Variants in XYLT1 observed in about 807,000 individuals in gnomAD.
XYLT1 encodes the protein xylosyltransferase 1.
XYLT1 carries 36 observed loss-of-function variants against 91.3 expected under a neutral mutation model. That is an observed-to-expected ratio of 0.39 (90% CI 0.30 to 0.52). The LOEUF (loss-of-function observed/expected upper bound fraction) is 0.52, where lower values mean the gene tolerates loss of function less well. XYLT1 is among the 20% of genes least tolerant of loss of function. The pLI, the probability that XYLT1 is intolerant of heterozygous loss-of-function variation, is 0.68. For synonymous variants in XYLT1, 588 were observed against 532.0 expected, an observed-to-expected ratio of 1.11 and a Z score of -1.45; for missense variants, 1,242 against 1,284.5, an observed-to-expected ratio of 0.97 and a Z score of 0.51.
chr16:17,395,335 C>A (rs139452641), intron 1 of XYLT1, among the ~76,000 whole-genome samples: 1 of 152,024 alleles, frequency 6.6e-6, no homozygotes, highest in South Asian at 2.1e-4. Flanking sequence ...ATATCAACCC[C>A]CACCCACACC....
At chr16:17,368,905 TAAGTA>T (rs2035489935) in intron 1 of XYLT1, among the ~76,000 whole-genome samples, 1 of 149,044 alleles carries the variant, frequency 6.7e-6, no homozygotes, top group African/African-American at 2.6e-5. Context: ...TTGATGACAT[TAAGTA>T]TTTCCTTGTT....
intron 3 of XYLT1, among the ~76,000 whole-genome samples, chr16:17,207,971 AT>A (rs2032686516): frequency 6.6e-6 from 1 of 152,010 alleles, no homozygotes; most frequent in Admixed American, 6.6e-5. Flanking sequence ...TTTAAAAAAT[AT>A]TTTTAATGAC....
chr16:17,319,510 G>A (rs976333512), intron 2 of XYLT1, among the ~76,000 whole-genome samples: 1 of 151,090 alleles, frequency 6.6e-6, no homozygotes, highest in Non-Finnish European at 1.5e-5. Context: ...TGGCGCAATC[G>A]TGGCTCACTG....
chr16:17,214,491 T>C (rs565826146), intron 3 of XYLT1, among the ~76,000 whole-genome samples: 1 of 152,286 alleles, frequency 6.6e-6, no homozygotes, highest in Admixed American at 6.5e-5. Flanking sequence ...GTCTCCTATG[T>C]GCTCTTTCCA....
intron 2 of XYLT1, among the ~76,000 whole-genome samples, chr16:17,313,128 T>A (rs1257989563): frequency 2.0e-5 from 3 of 152,218 alleles, no homozygotes; most frequent in Admixed American, 2.0e-4. Flanking sequence ...GTTTCTGGTC[T>A]GGTGATGTTC....
intron 2 of XYLT1, among the ~76,000 whole-genome samples, chr16:17,326,647 C>T (rs1282461621): frequency 3.3e-5 from 5 of 152,024 alleles, no homozygotes; most frequent in South Asian, 2.1e-4. Context: ...AACGGTGAAA[C>T]CCCTTATCTA....
At chr16:17,289,041 A>T (rs1477545207) in intron 2 of XYLT1, among the ~76,000 whole-genome samples, 2 of 152,152 alleles carry the variant, frequency 1.3e-5, no homozygotes, top group African/African-American at 4.8e-5. Context: ...ATTCTACACC[A>T]TTGTAAGTTT....
chr16:17,329,319 G>A (rs763367285), intron 2 of XYLT1, among the ~76,000 whole-genome samples: 2 of 152,194 alleles, frequency 1.3e-5, no homozygotes, highest in Non-Finnish European at 1.5e-5. Flanking sequence ...CTCTGTAACC[G>A]TGAGACTCAG....
intron 3 of XYLT1, among the ~76,000 whole-genome samples, chr16:17,225,721 C>T (rs572174433): frequency 2.0e-5 from 3 of 152,064 alleles, no homozygotes; most frequent in African/African-American, 7.2e-5. Flanking sequence ...CAATTAACAC[C>T]GGTTCTTTTG....
chr16:17,338,469 G>T (rs1375586767), intron 2 of XYLT1: 5 of 456,406 alleles, frequency 1.1e-5, no homozygotes, highest in African/African-American at 6.0e-5. Context: ...TGCCGGGCTG[G>T]CTGGAAAGAC....
chr16:17,117,763 A>G lies in XYLT1; in HGVS notation c.2440T>C (p.Leu814=). Residue 814 remains leucine (L), a synonymous_variant, in exon 11 of 12, where the codon TTG becomes CTG. Transcript: ENST00000261381. ...EFTHYKPPLN[L]PLRPGVWTVK... is the part of the protein sequence containing the mutation. ...GTCCAGACCCCAGGCCTCAGGGGCA[A>G]GTTCAAAGGGGGCTTGTAGTGTGTG... 6.2e-7 allele frequency: 1 copy of G among 1,614,218 alleles called. No individual in the cohort carries two copies. Among genetic ancestry groups the G allele is most frequent in the South Asian group, 1.1e-5 (1 of 91,086 alleles).
intron 1 of XYLT1, among the ~76,000 whole-genome samples, chr16:17,378,707 G>C (rs930368204): frequency 6.6e-6 from 1 of 152,122 alleles, no homozygotes; most frequent in East Asian, 1.9e-4. Context: ...GGCAAATTAC[G>C]ACCAGTTCAC....
At chr16:17,398,337 T>C (rs374616184) in intron 1 of XYLT1, among the ~76,000 whole-genome samples, 9 of 152,162 alleles carry the variant, frequency 5.9e-5, no homozygotes, top group Middle Eastern at 3.4e-3. Flanking sequence ...ACAGGGAGGG[T>C]GTTACCTGTA....
intron 5 of XYLT1, among the ~76,000 whole-genome samples, chr16:17,187,024 C>T (rs2032198808): frequency 6.6e-6 from 1 of 151,856 alleles, no homozygotes; most frequent in Non-Finnish European, 1.5e-5. Flanking sequence ...GGAGGGTGGT[C>T]CTATTCAGAG....
intron 11 of XYLT1, 23 bp downstream of exon 11, chr16:17,117,623 A>T: frequency 6.3e-7 from 1 of 1,598,134 alleles, no homozygotes; most frequent in Non-Finnish European, 8.6e-7. Context: ...TATTTCTCCC[A>T]CATAGACACT....
At chr16:17,364,880 C>A (rs116929613) in intron 1 of XYLT1, among the ~76,000 whole-genome samples, 12 of 152,152 alleles carry the variant, frequency 7.9e-5, no homozygotes, top group Non-Finnish European at 1.8e-4. Flanking sequence ...AATCTCTGGG[C>A]AAGGGTCCAA....
intron 1 of XYLT1, among the ~76,000 whole-genome samples, chr16:17,402,743 C>CT (rs368996011): frequency 0.28 from 38,446 of 136,204 alleles, 5,694 homozygotes; most frequent in African/African-American, 0.4. Context: ...TTTTTCTTTT[C>CT]TTTTTTTTTT....
chr16:17,184,185 CTTTTTTTTT>C (rs71390593), intron 5 of XYLT1, among the ~76,000 whole-genome samples: 1 of 107,492 alleles, frequency 9.3e-6, no homozygotes, highest in South Asian at 3.7e-4. Context: ...TAAAAGACGG[CTTTTTTTTT>C]TTTTTTTTTT....
At chr16:17,167,962 C>T (rs920204145) in intron 5 of XYLT1, among the ~76,000 whole-genome samples, 15 of 152,186 alleles carry the variant, frequency 9.9e-5, no homozygotes, top group Non-Finnish European at 1.5e-4. Context: ...ACACTCCAGA[C>T]GGTTTATGCA....
Sources: gnomAD v4.1 joint callset for allele counts (sites outside exome capture counted in the v4.1 genomes callset) on GRCh38, gnomAD v4.1.1 for gene constraint, MANE v1.5 for transcripts, NCBI Gene and HGNC (gene_info 2026-07-23, HGNC 2026-07-21) for gene names.